The following HEMK2 variants were observed in gnomAD, a reference collection of about 807,000 sequenced individuals.
HEMK2 encodes HemK methyltransferase 2, ETF1 glutamine and histone H4 lysine, also known as methyltransferase HEMK2.
chr21:28,731,151 G>A, the HEMK2 span, among the ~76,000 whole-genome samples: 3 of 152,322 alleles, frequency 2.0e-5, no homozygotes, highest in South Asian at 2.1e-4. Flanking sequence ...GAAGAGGGAA[G>A]GAGCAGATCT....
chr21:28,860,756 T>C, the HEMK2 span, among the ~76,000 whole-genome samples: 1 of 152,230 alleles, frequency 6.6e-6, no homozygotes, highest in South Asian at 2.1e-4. Flanking sequence ...GGAATGGATA[T>C]TAAAAGTGTG....
the HEMK2 span, among the ~76,000 whole-genome samples, chr21:28,766,663 C>A: frequency 6.6e-6 from 1 of 152,040 alleles, no homozygotes. Flanking sequence ...CCATGGAATA[C>A]TACTCAGCCA....
chr21:28,793,327 T>G, the HEMK2 span, among the ~76,000 whole-genome samples: 18 of 152,232 alleles, frequency 1.2e-4, no homozygotes, highest in Non-Finnish European at 1.3e-4. Context: ...GGCTGGTCAA[T>G]TTCAATAACT....
the HEMK2 span, among the ~76,000 whole-genome samples, chr21:28,777,426 C>A: frequency 1.3e-5 from 2 of 152,178 alleles, no homozygotes; most frequent in South Asian, 4.1e-4. Flanking sequence ...CTCCTCAGGT[C>A]TTATTGGCTA....
At chr21:28,767,211 G>T in the HEMK2 span, among the ~76,000 whole-genome samples, 3 of 151,944 alleles carry the variant, frequency 2.0e-5, no homozygotes, top group Middle Eastern at 3.2e-3. Flanking sequence ...CACCATGATT[G>T]TGAGGCTTCC....
chr21:28,882,954 TG>T, the HEMK2 span: 2 of 1,387,828 alleles, frequency 1.4e-6, no homozygotes, highest in Non-Finnish European at 2.0e-6. Context: ...AACCTGTCAG[TG>T]GAAGATCTAG....
At chr21:28,877,418 G>A in the HEMK2 span, among the ~76,000 whole-genome samples, 1 of 98,706 alleles carries the variant, frequency 1.0e-5, no homozygotes, top group East Asian at 2.4e-4. Flanking sequence ...AAGAAGGAAG[G>A]AAAGAAAGAG....
chr21:28,730,142 C>T, the HEMK2 span, among the ~76,000 whole-genome samples: 1 of 151,928 alleles, frequency 6.6e-6, no homozygotes, highest in African/African-American at 2.4e-5. Context: ...CTTTGGGATG[C>T]AAAGGCGGGA....
chr21:28,802,325 A>C, the HEMK2 span, among the ~76,000 whole-genome samples: 1 of 152,210 alleles, frequency 6.6e-6, no homozygotes, highest in African/African-American at 2.4e-5. Context: ...AAGAGAAATA[A>C]GTCTCTATAT....
the HEMK2 span, among the ~76,000 whole-genome samples, chr21:28,804,050 G>A: frequency 3.3e-5 from 5 of 152,120 alleles, no homozygotes; most frequent in Non-Finnish European, 7.4e-5. Flanking sequence ...CAATTGTTTT[G>A]GAATGAAGAA....
the HEMK2 span, among the ~76,000 whole-genome samples, chr21:28,667,713 C>T: frequency 1.3e-5 from 2 of 152,094 alleles, no homozygotes; most frequent in African/African-American, 4.8e-5. Flanking sequence ...AAACACTATT[C>T]TAGAGGCAAC....
the HEMK2 span, among the ~76,000 whole-genome samples, chr21:28,755,504 T>C: frequency 5.3e-5 from 8 of 152,314 alleles, no homozygotes; most frequent in East Asian, 1.5e-3. Context: ...CCATAGAGTT[T>C]GTGGGAGTAA....
At chr21:28,695,147 T>C in the HEMK2 span, among the ~76,000 whole-genome samples, 2 of 152,186 alleles carry the variant, frequency 1.3e-5, no homozygotes, top group East Asian at 3.8e-4. Flanking sequence ...GTGCTTAATA[T>C]TTTTTTCTAA....
At chr21:28,782,735 T>TA in the HEMK2 span, among the ~76,000 whole-genome samples, 56 of 152,228 alleles carry the variant, frequency 3.7e-4, no homozygotes, top group African/African-American at 1.2e-3. Context: ...TTTTGGGTGA[T>TA]AAAAAATGTT....
the HEMK2 span, among the ~76,000 whole-genome samples, chr21:28,793,284 A>C: frequency 6.6e-6 from 1 of 152,224 alleles, no homozygotes; most frequent in Non-Finnish European, 1.5e-5. Flanking sequence ...AAGGTTTCTC[A>C]ACTTTTATTA....
chr21:28,859,888 T>C, the HEMK2 span, among the ~76,000 whole-genome samples: 1 of 152,236 alleles, frequency 6.6e-6, no homozygotes, highest in Non-Finnish European at 1.5e-5. Flanking sequence ...TATTTGTCTT[T>C]AATTAGTGAA....
the HEMK2 span, among the ~76,000 whole-genome samples, chr21:28,820,563 T>C: frequency 6.6e-6 from 1 of 152,166 alleles, no homozygotes; most frequent in Non-Finnish European, 1.5e-5. Context: ...CCCATCTCCA[T>C]TCCCCCTAAG....
the HEMK2 span, among the ~76,000 whole-genome samples, chr21:28,690,627 C>T: frequency 6.6e-6 from 1 of 152,116 alleles, no homozygotes; most frequent in Admixed American, 6.5e-5. Context: ...CTAGAAGCCC[C>T]CTCTATGTGC....
the HEMK2 span, among the ~76,000 whole-genome samples, chr21:28,804,800 C>G: frequency 6.6e-6 from 1 of 152,284 alleles, no homozygotes; most frequent in African/African-American, 2.4e-5. Flanking sequence ...TTCATTCCTG[C>G]ACACACAATA....
Sources: gnomAD v4.1 joint callset for allele counts (sites outside exome capture counted in the v4.1 genomes callset) on GRCh38, gnomAD v4.1.1 for gene constraint, MANE v1.5 for transcripts, NCBI Gene and HGNC (gene_info 2026-07-23, HGNC 2026-07-21) for gene names.